Variants in SDC3 observed in about 807,000 individuals in gnomAD.
The protein encoded by SDC3 is syndecan 3, also known as syndecan-3.
Under a neutral mutation model 24.4 loss-of-function variants are expected in SDC3, and 13 were observed. The observed-to-expected ratio is 0.53, with a 90% confidence interval of 0.35 to 0.85. The LOEUF (loss-of-function observed/expected upper bound fraction) is 0.85, where lower values mean the gene tolerates loss of function less well. Among genes scored for constraint, SDC3 ranks in the 40% least tolerant of loss-of-function variants. The probability of loss-of-function intolerance (pLI) is 0.01; values close to 1 mark genes in which losing one functional copy is unlikely to be tolerated. For missense variants in SDC3, 571 were observed against 584.5 expected (o/e 0.98, Z 0.24); for synonymous variants, 295 against 260.9 (o/e 1.13, Z -1.26).
At position 30,873,129 on chromosome 1, in the gene SDC3, T is replaced by G. The variant is rs1639569917; in HGVS notation, c.*82A>C. ...AACTGGGGCCAGGTTCCAGGCCCAG[T>G]CCCAGGCTTGGGCTGGTGGGGCCAG... On this transcript the variant is annotated 3_prime_UTR_variant, in exon 5 of 5. Transcript: ENST00000339394. 1.9e-6 allele frequency: 2 copies of G among 1,037,316 alleles called. No homozygotes were observed. The highest frequency in any genetic ancestry group is 2.8e-5 in the South Asian group (2 of 72,084). The allele number at this position is 1,037,316 out of a possible 1,614,324, so 64.3% of individuals were successfully genotyped here.
At chr1:30,891,751 G>C (rs1303865205) in intron 1 of SDC3, among the ~76,000 whole-genome samples, 1 of 151,878 alleles carries the variant, frequency 6.6e-6, no homozygotes, top group Non-Finnish European at 1.5e-5. Context: ...TACTCAGAAG[G>C]CTGAGGCAGG....
At chr1:30,883,916 A>G (rs34311692) in intron 1 of SDC3, among the ~76,000 whole-genome samples, 10,177 of 152,232 alleles carry the variant, frequency 0.067, 398 homozygotes, top group Middle Eastern at 0.099. Flanking sequence ...TCCGTCCCCA[A>G]AAAGCCCTCA....
Position 30,877,062 on chromosome 1 carries a change from C to A in SDC3, c.360G>T (p.Gln120His). Residue 120 changes from glutamine to histidine, a missense_variant, in exon 3 of 5, where the codon CAG becomes CAT. Gln to His is a conservative substitution (Grantham distance 24). Transcript: ENST00000339394. ...TPAVLPTTNI[Q>H]PVGTPFEELP... ...GCTCTTCAAATGGTGTGCCCACAGG[C>A]TGGATGTTCGTGGTGGGCAGCACCG... 6.2e-7 allele frequency: 1 copy of A among 1,613,920 alleles called. No homozygotes were observed. The highest frequency in any genetic ancestry group is 8.5e-7 in the Non-Finnish European group (1 of 1,179,970).
At chr1:30,891,783 G>A (rs993903915) in intron 1 of SDC3, among the ~76,000 whole-genome samples, 2 of 151,612 alleles carry the variant, frequency 1.3e-5, no homozygotes, top group African/African-American at 2.4e-5. Context: ...AACCCGGGAG[G>A]TGGAGATTGC....
intron 1 of SDC3, among the ~76,000 whole-genome samples, chr1:30,899,073 C>G (rs1042846782): frequency 6.6e-6 from 1 of 152,206 alleles, no homozygotes; most frequent in African/African-American, 2.4e-5. Context: ...TTAGCCAAAT[C>G]CACCCACTTC....
At chr1:30,886,576 CT>C (rs750129267) in intron 1 of SDC3, among the ~76,000 whole-genome samples, 7 of 152,168 alleles carry the variant, frequency 4.6e-5, no homozygotes, top group Non-Finnish European at 8.8e-5. Flanking sequence ...GATGAGGAGA[CT>C]GAGCCTGTTA....
intron 1 of SDC3, among the ~76,000 whole-genome samples, chr1:30,879,334 C>G (rs1639703656): frequency 6.6e-6 from 1 of 152,214 alleles, no homozygotes; most frequent in Non-Finnish European, 1.5e-5. Context: ...CACATAGTCT[C>G]AAAGTAATGA....
At chr1:30,888,802 T>G (rs1639867572) in intron 1 of SDC3, among the ~76,000 whole-genome samples, 1 of 152,108 alleles carries the variant, frequency 6.6e-6, no homozygotes, top group African/African-American at 2.4e-5. Flanking sequence ...CAAGCCAGAC[T>G]CAGATGATCT....
intron 1 of SDC3, among the ~76,000 whole-genome samples, chr1:30,893,690 C>T (rs1326363724): frequency 6.6e-6 from 1 of 152,152 alleles, no homozygotes; most frequent in East Asian, 1.9e-4. Context: ...ATCAGAATCC[C>T]CACGAGGCCC....
At chr1:30,893,664 A>C (rs1639940803) in intron 1 of SDC3, among the ~76,000 whole-genome samples, 1 of 152,034 alleles carries the variant, frequency 6.6e-6, no homozygotes, top group South Asian at 2.1e-4. Flanking sequence ...TCAAAGAAAC[A>C]GAATCCCCCC....
chr1:30,904,610 G>C (rs983723766), intron 1 of SDC3, among the ~76,000 whole-genome samples: 2 of 152,170 alleles, frequency 1.3e-5, no homozygotes, highest in Non-Finnish European at 2.9e-5. Context: ...GGAGGCTTCA[G>C]GTTCAAATCC....
upstream of SDC3, among the ~76,000 whole-genome samples, chr1:30,908,913 C>G (rs1469991274): frequency 6.6e-6 from 1 of 151,184 alleles, no homozygotes; most frequent in East Asian, 2.0e-4. Context: ...CCCCCGCCCC[C>G]ACCCAGAGGG....
chr1:30,870,310 C>G lies in SDC3; in HGVS notation c.*2901G>C, dbSNP rs776784848. The stretch of plus-strand genomic sequence containing the variant: ...CCTCCTGGCCTCCTGGAGACAGGGT[C>G]TGGGCTCTCCAGGTCCTGGCCTGCC... On this transcript the variant is annotated 3_prime_UTR_variant, in exon 5 of 5. Transcript: ENST00000339394. 2.4e-4 allele frequency: 41 copies of G among 167,714 alleles called. No individual in the cohort carries two copies. Among genetic ancestry groups the G allele is most frequent in the Non-Finnish European group, 4.6e-4 (36 of 78,828 alleles). The allele number at this position is 167,714 out of a possible 1,614,324, so 10.4% of individuals were successfully genotyped here.
Position 30,876,987 on chromosome 1 carries a change from C to G in SDC3, c.435G>C (p.Val145=), listed in dbSNP as rs1248856813. The part of the protein sequence containing the change: ...TLEPATSPLV[V]TEVPEEPSQR... ...GGCTGGGCTCTTCCGGGACTTCTGT[C>G]ACCACCAGGGGGCTGGTGGCTGGCT... is the stretch of plus-strand genomic sequence containing the variant. Residue 145 remains valine, a synonymous_variant, in exon 3 of 5, where the codon GTG becomes GTC. Transcript: ENST00000339394. 6.2e-7 allele frequency: 1 copy of G among 1,613,568 alleles called. No homozygotes were observed. Among genetic ancestry groups the G allele is most frequent in the African/African-American group, 1.3e-5 (1 of 74,882 alleles).
chr1:30,896,922 C>T (rs1468622701), intron 1 of SDC3, among the ~76,000 whole-genome samples: 1 of 152,156 alleles, frequency 6.6e-6, no homozygotes, highest in Non-Finnish European at 1.5e-5. Context: ...AAGATCACAC[C>T]ACTGCACTCC....
chr1:30,870,130 G>A lies in SDC3; in HGVS notation c.*3081C>T, dbSNP rs1639506793. On this transcript the variant is annotated 3_prime_UTR_variant, in exon 5 of 5. Coordinates refer to ENST00000339394, the MANE Select transcript of SDC3 (RefSeq NM_014654.4). Reference sequence around the variant, plus strand: ...CCATGAGGCAGAGGGTCTGCTCCCTGTGTCCAGGGGCCCCCACCAGGAGGC... The same window carrying A: ...CCATGAGGCAGAGGGTCTGCTCCCTATGTCCAGGGGCCCCCACCAGGAGGC... 3.4e-5 allele frequency: 13 copies of A among 386,724 alleles called. No homozygotes were observed. The East Asian group carries it at 4.8e-4, about 14-fold the overall frequency. 24.0% of individuals were successfully genotyped at this position (386,724 alleles called of 1,614,324 possible).
At chr1:30,886,785 G>A (rs1639835509) in intron 1 of SDC3, among the ~76,000 whole-genome samples, 1 of 152,112 alleles carries the variant, frequency 6.6e-6, no homozygotes, top group Non-Finnish European at 1.5e-5. Flanking sequence ...CCGACGGAGG[G>A]AGCCCTCACT....
chr1:30,884,366 C>G (rs1639797396), intron 1 of SDC3, among the ~76,000 whole-genome samples: 1 of 152,072 alleles, frequency 6.6e-6, no homozygotes, highest in Non-Finnish European at 1.5e-5. Context: ...CCAAACCTAT[C>G]CCCACCCCCT....
At chr1:30,897,845 G>A (rs1638306288) in intron 1 of SDC3, among the ~76,000 whole-genome samples, 1 of 152,208 alleles carries the variant, frequency 6.6e-6, no homozygotes. Context: ...GCTAAGGATT[G>A]TTTATAGATG....
Sources: gnomAD v4.1 joint callset for allele counts (sites outside exome capture counted in the v4.1 genomes callset) on GRCh38, gnomAD v4.1.1 for gene constraint, MANE v1.5 for transcripts, NCBI Gene and HGNC (gene_info 2026-07-23, HGNC 2026-07-21) for gene names.